The following KCNIP4 variants were observed in gnomAD, a reference collection of about 807,000 sequenced individuals.
The protein encoded by KCNIP4 is potassium voltage-gated channel interacting protein 4.
KCNIP4 carries 12 observed loss-of-function variants against 34.0 expected under a neutral mutation model. The observed-to-expected ratio is 0.35, with a 90% CI of 0.23 to 0.57. The LOEUF is 0.57. Among genes scored for constraint, KCNIP4 ranks in the 20% least tolerant of loss-of-function variants. The pLI, the probability that KCNIP4 is intolerant of heterozygous loss-of-function variation, is 0.83. For synonymous variants in KCNIP4, 124 were observed against 102.2 expected (o/e 1.21, Z -1.29); for missense variants, 238 against 311.7 (o/e 0.76, Z 1.78).
chr4:21,793,111 C>A (rs1577996793), intron 1 of KCNIP4, among the ~76,000 whole-genome samples: 1 of 152,200 alleles, frequency 6.6e-6, no homozygotes, highest in Non-Finnish European at 1.5e-5. Flanking sequence ...TTTAAAAAAA[C>A]CAAAGCCTAA....
At chr4:21,564,445 C>T (rs572262536) in intron 1 of KCNIP4, among the ~76,000 whole-genome samples, 49 of 152,196 alleles carry the variant, frequency 3.2e-4, no homozygotes, top group African/African-American at 1.1e-3. Flanking sequence ...CATGTGACTT[C>T]CTTTGCACAT....
In KCNIP4 at chr4:20,787,490, T is replaced by C. The variant is rs576944086; in HGVS notation, c.289-28600A>G. Among the ~76,000 whole-genome samples the C allele has an allele frequency of 1.4e-3, 211 of 152,256 alleles. 1 individual carries two copies. Among genetic ancestry groups the C allele is most frequent in the African/African-American group, 4.8e-3 (199 of 41,576 alleles). ...TTTTCTCCTCCTCTTCTCATATTGA[T>C]TTTATTTTTGGCGCTATTAAAAAGT... On this transcript the variant is annotated intron_variant, in intron 3 of 8. Transcript: ENST00000382152.
chr4:21,748,312 T>A (rs1168326703), intron 1 of KCNIP4, among the ~76,000 whole-genome samples: 2 of 152,168 alleles, frequency 1.3e-5, no homozygotes, highest in Admixed American at 1.3e-4. Context: ...ACAGAGCCTC[T>A]CCAAATAGCT....
At chr4:20,983,267 A>C (rs1051109412) in intron 1 of KCNIP4, among the ~76,000 whole-genome samples, 4 of 152,230 alleles carry the variant, frequency 2.6e-5, no homozygotes, top group Non-Finnish European at 5.9e-5. Context: ...TGGGGAATGC[A>C]AATGAAACAC....
chr4:21,843,634 T>C (rs1227603244), intron 1 of KCNIP4: 1 of 152,000 alleles, frequency 6.6e-6, no homozygotes, highest in African/African-American at 2.4e-5. Context: ...TGCTAAGTTC[T>C]CCCCAGTTTA....
At chr4:21,642,353 C>G (rs1414293582) in intron 1 of KCNIP4, among the ~76,000 whole-genome samples, 2 of 151,676 alleles carry the variant, frequency 1.3e-5, no homozygotes, top group East Asian at 2.0e-4. Context: ...TATCCCCAAC[C>G]ATCCTGTTGC....
chr4:21,871,434 C>T (rs1725804144), intron 1 of KCNIP4, among the ~76,000 whole-genome samples: 1 of 151,582 alleles, frequency 6.6e-6, no homozygotes, highest in East Asian at 1.9e-4. Context: ...AAATGTGGCA[C>T]ATATACACCA....
intron 1 of KCNIP4, among the ~76,000 whole-genome samples, chr4:21,106,929 G>T (rs1429261836): frequency 6.6e-6 from 1 of 151,290 alleles, no homozygotes; most frequent in Non-Finnish European, 1.5e-5. Context: ...TCTTAATCCT[G>T]AGTTCTAGTT....
At chr4:21,821,275 C>T (rs1193589946) in intron 1 of KCNIP4, among the ~76,000 whole-genome samples, 7 of 152,220 alleles carry the variant, frequency 4.6e-5, no homozygotes, top group African/African-American at 9.6e-5. Flanking sequence ...GTGGAGACAC[C>T]TTTCAATTCC....
chr4:20,875,101 G>GAAA (rs541206821), intron 2 of KCNIP4, among the ~76,000 whole-genome samples: 2 of 142,942 alleles, frequency 1.4e-5, no homozygotes, highest in Non-Finnish European at 3.1e-5. Flanking sequence ...CAGAGAGAAG[G>GAAA]AAAAAAAAAA....
Position 21,147,939 on chromosome 4 carries a change from C to CAAAAAAAAAAAAAAAAAAAAAAAAAA in KCNIP4, c.62-265231_62-265230insTTTTTTTTTTTTTTTTTTTTTTTTTT, listed in dbSNP as rs377562727. Among the ~76,000 whole-genome samples, 31 of 31,002 alleles carry CAAAAAAAAAAAAAAAAAAAAAAAAAA rather than the reference C, an allele frequency of 1.0e-3. 1 individual carries two copies. Among genetic ancestry groups the CAAAAAAAAAAAAAAAAAAAAAAAAAA allele is most frequent in the Admixed American group, 1.6e-3 (4 of 2,436 alleles). The allele number at this position is 31,002 out of a possible 152,430, so 20.3% of individuals were successfully genotyped here. A position where few individuals can be genotyped will look rare whatever the true frequency, so the allele number is the denominator to read the frequency against. On this transcript the variant is annotated intron_variant, in intron 1 of 8. Coordinates refer to ENST00000382152, the MANE Select transcript of KCNIP4 (RefSeq NM_025221.6). ...GGACAACAAAAGTGAAACTCCGTCT[C>CAAAAAAAAAAAAAAAAAAAAAAAAAA]AAAAAAAAAAAAAAAAAAAAAGAAA... is the stretch of plus-strand genomic sequence containing the variant.
chr4:20,989,243 A>G (rs960875800), intron 1 of KCNIP4, among the ~76,000 whole-genome samples: 2 of 152,216 alleles, frequency 1.3e-5, no homozygotes, highest in East Asian at 3.8e-4. Context: ...TAAATCTAAG[A>G]AGGAACAGAG....
chr4:21,740,055 C>A (rs1297139959), intron 1 of KCNIP4, among the ~76,000 whole-genome samples: 1 of 152,018 alleles, frequency 6.6e-6, no homozygotes, highest in Non-Finnish European at 1.5e-5. Flanking sequence ...TGAGTAACTA[C>A]AGCCAAGCAA....
chr4:21,921,428 T>C (rs1483767818), intron 1 of KCNIP4, among the ~76,000 whole-genome samples: 2 of 152,194 alleles, frequency 1.3e-5, no homozygotes, highest in Admixed American at 1.3e-4. Context: ...AACATTAGTA[T>C]CTTCAATCCC....
chr4:21,339,107 G>A (rs1716475083), intron 1 of KCNIP4, among the ~76,000 whole-genome samples: 2 of 152,104 alleles, frequency 1.3e-5, no homozygotes, highest in South Asian at 4.2e-4. Flanking sequence ...TCTTAAATAG[G>A]CAAGTGCTTT....
intron 1 of KCNIP4, among the ~76,000 whole-genome samples, chr4:21,359,781 G>A (rs1456395072): frequency 6.6e-6 from 1 of 151,994 alleles, no homozygotes; most frequent in African/African-American, 2.4e-5. Flanking sequence ...AGTGTTCTTG[G>A]CAATCAAATT....
chr4:21,714,434 G>A (rs192620177), intron 1 of KCNIP4, among the ~76,000 whole-genome samples: 1 of 151,942 alleles, frequency 6.6e-6, no homozygotes, highest in Admixed American at 6.6e-5. Flanking sequence ...CAAGGGGAAG[G>A]GGGCAAAAAG....
chr4:20,835,503 G>A (rs902119841), intron 3 of KCNIP4, among the ~76,000 whole-genome samples: 2 of 151,814 alleles, frequency 1.3e-5, no homozygotes, highest in Non-Finnish European at 2.9e-5. Context: ...GAATAAAGAG[G>A]GTTAATCATA....
At chr4:21,441,242 T>C (rs1727448928) in intron 1 of KCNIP4, among the ~76,000 whole-genome samples, 1 of 151,572 alleles carries the variant, frequency 6.6e-6, no homozygotes, top group African/African-American at 2.4e-5. Context: ...CCCGGCTTCA[T>C]GCCATTCTCC....
Sources: allele counts gnomAD v4.1 joint callset (sites outside exome capture counted in the v4.1 genomes callset), GRCh38; gene constraint gnomAD v4.1.1; transcripts MANE v1.5; gene names NCBI Gene and HGNC (gene_info 2026-07-23, HGNC 2026-07-21).